AGO2: variants seen among roughly 807,000 people sequenced by gnomAD.
AGO2 encodes argonaute RISC catalytic component 2.
Under a neutral mutation model 102.3 loss-of-function variants are expected in AGO2, and 5 were observed. The ratio of observed to expected loss-of-function variants is 0.05; its 90% CI spans 0.03 to 0.10. AGO2 has a LOEUF of 0.10. Ranked by LOEUF, AGO2 falls within the 10% of genes least tolerant of loss-of-function variation. The pLI is 1.00. For synonymous variants in AGO2, 449 were observed against 473.1 expected (o/e 0.95, Z 0.66); for missense variants, 541 against 1,183.7 (o/e 0.46, Z 7.97).
At chr8:140,608,287 C>T (rs1365656352) in intron 1 of AGO2, among the ~76,000 whole-genome samples, 2 of 152,262 alleles carry the variant, frequency 1.3e-5, no homozygotes, top group African/African-American at 4.8e-5. Flanking sequence ...TCTCCTGTCA[C>T]ATCCCCAGGG....
At chr8:140,536,791 G>A (rs552423165) in intron 16 of AGO2, among the ~76,000 whole-genome samples, 17 of 152,296 alleles carry the variant, frequency 1.1e-4, no homozygotes, top group African/African-American at 3.9e-4. Flanking sequence ...AGAGATCTGG[G>A]GGCTGCAGCG....
chr8:140,600,064 G>A (rs920253173), intron 1 of AGO2, among the ~76,000 whole-genome samples: 1 of 152,240 alleles, frequency 6.6e-6, no homozygotes, highest in Non-Finnish European at 1.5e-5. Flanking sequence ...GACACATGCA[G>A]ACGACGTGAC....
In AGO2 at chr8:140,528,152, T is replaced by C. The variant is rs1006735793; in HGVS notation, c.*3892A>G. Reference sequence around the variant, plus strand: ...TTGCTGCATATATAAGAAAAACAATTCATCCAGAAAAATCACATTTGTGGC... The same window carrying C: ...TTGCTGCATATATAAGAAAAACAATCCATCCAGAAAAATCACATTTGTGGC... On this transcript the variant is annotated 3_prime_UTR_variant, in exon 19 of 19. Transcript: ENST00000220592. The surrounding 1 kb of genome is among the most constrained non-coding windows in gnomAD (Gnocchi z 4.5). The C allele has an allele frequency of 6.6e-6, 1 of 152,166 alleles. No individual in the cohort carries two copies. The highest frequency in any genetic ancestry group is 1.9e-4 in the East Asian group (1 of 5,202). The allele number at this position is 152,166 out of a possible 1,614,324, so 9.4% of individuals were successfully genotyped here. A position where few individuals can be genotyped will look rare whatever the true frequency, so the allele number is the denominator to read the frequency against.
chr8:140,641,786 G>A, the AGO2 span, among the ~76,000 whole-genome samples: 1 of 152,140 alleles, frequency 6.6e-6, no homozygotes, highest in Non-Finnish European at 1.5e-5. Context: ...GTTTTGCCAT[G>A]ATGGCCAGGC....
intron 1 of AGO2, among the ~76,000 whole-genome samples, chr8:140,585,842 T>C (rs1384274704): frequency 2.6e-5 from 4 of 152,132 alleles, no homozygotes; most frequent in Non-Finnish European, 5.9e-5. Flanking sequence ...CCCTTCTCCA[T>C]TTAAAAAAAA....
chr8:140,597,700 A>G (rs1239742905), intron 1 of AGO2, among the ~76,000 whole-genome samples: 1 of 152,188 alleles, frequency 6.6e-6, no homozygotes, highest in Non-Finnish European at 1.5e-5. Context: ...AATCAAGAAA[A>G]AAAAAAAAGA....
At chr8:140,537,871 T>C (rs1033772447) in intron 16 of AGO2, among the ~76,000 whole-genome samples, 18 of 152,162 alleles carry the variant, frequency 1.2e-4, no homozygotes, top group African/African-American at 3.9e-4. Flanking sequence ...CAGGCGGGAG[T>C]GCAGTAGCAA....
At chr8:140,613,875 G>A (rs1001075166) in intron 1 of AGO2, among the ~76,000 whole-genome samples, 5 of 151,902 alleles carry the variant, frequency 3.3e-5, no homozygotes, top group African/African-American at 4.8e-5. Context: ...TAAAGTAGCC[G>A]GATGTAGTGG....
chr8:140,569,765 G>A (rs527910997), intron 3 of AGO2, among the ~76,000 whole-genome samples: 13 of 152,266 alleles, frequency 8.5e-5, no homozygotes, highest in South Asian at 2.1e-4. Flanking sequence ...AGCGTCTCCC[G>A]GGCCTGGGAG....
rs113429085 is a variant in AGO2 at position 140,532,014 on chromosome 8, C to T, written c.*30G>A. 2,098 of 1,599,786 alleles carry T rather than the reference C, an allele frequency of 1.3e-3. 30 individuals carry two copies. The African/African-American group carries it at 0.025, about 19-fold the overall frequency. On this transcript the variant is annotated 3_prime_UTR_variant, in exon 19 of 19. Transcript: ENST00000220592. ...TGTAGCTGGTCTCGTGAATCCCACT[C>T]GGTACACAATCGCTAAACACTAAAA...
intron 1 of AGO2, among the ~76,000 whole-genome samples, chr8:140,614,725 G>A (rs752740716): frequency 2.6e-5 from 4 of 152,208 alleles, no homozygotes; most frequent in Non-Finnish European, 5.9e-5. Context: ...TTACTGCTGC[G>A]TGACCTGAAC....
At chr8:140,620,959 G>A (rs1438557870) in intron 1 of AGO2, among the ~76,000 whole-genome samples, 1 of 152,078 alleles carries the variant, frequency 6.6e-6, no homozygotes, top group Non-Finnish European at 1.5e-5. Context: ...CATCACCCAG[G>A]CTGGAGTGCA....
intron 2 of AGO2, among the ~76,000 whole-genome samples, chr8:140,573,316 C>A (rs1409273316): frequency 6.6e-6 from 1 of 151,842 alleles, no homozygotes; most frequent in Admixed American, 6.6e-5. Flanking sequence ...ATTACAGGTG[C>A]CCGCCACCAC....
At chr8:140,583,261 C>T (rs1436571546) in intron 2 of AGO2, among the ~76,000 whole-genome samples, 1 of 152,180 alleles carries the variant, frequency 6.6e-6, no homozygotes, top group Non-Finnish European at 1.5e-5. Context: ...GCCTGAGCCC[C>T]GCTACTGACA....
intron 1 of AGO2, among the ~76,000 whole-genome samples, chr8:140,608,509 T>G (rs1036138500): frequency 6.6e-6 from 1 of 152,210 alleles, no homozygotes; most frequent in Non-Finnish European, 1.5e-5. Context: ...GGCCCTGAGC[T>G]GCCCGCAGCC....
chr8:140,605,095 AGTTT>A (rs1156348178), intron 1 of AGO2, among the ~76,000 whole-genome samples: 4 of 152,124 alleles, frequency 2.6e-5, no homozygotes, highest in African/African-American at 9.7e-5. Flanking sequence ...AAAAAATACA[AGTTT>A]TTTTTCTTCT....
At chr8:140,569,823 T>C (rs1316629262) in intron 3 of AGO2, among the ~76,000 whole-genome samples, 1 of 152,120 alleles carries the variant, frequency 6.6e-6, no homozygotes, top group Non-Finnish European at 1.5e-5. Flanking sequence ...GCAGGCAGGC[T>C]AACATTGCAG....
At chr8:140,572,073 C>T (rs2073386501) in intron 3 of AGO2, 1 of 152,200 alleles carries the variant, frequency 6.6e-6, no homozygotes, top group South Asian at 2.1e-4. Flanking sequence ...TCTTCTTCTA[C>T]TTACGAATAA....
chr8:140,599,569 A>T (rs1016966596), intron 1 of AGO2, among the ~76,000 whole-genome samples: 1 of 152,098 alleles, frequency 6.6e-6, no homozygotes, highest in African/African-American at 2.4e-5. Context: ...TACACTACCT[A>T]TGGGGTCCAG....
Sources: gnomAD v4.1 joint callset for allele counts (sites outside exome capture counted in the v4.1 genomes callset) on GRCh38, gnomAD v4.1.1 for gene constraint, Gnocchi (gnomAD v3.1) non-coding constraint, MANE v1.5 for transcripts, NCBI Gene and HGNC (gene_info 2026-07-23, HGNC 2026-07-21) for gene names.